GRK3: variants seen among roughly 807,000 people sequenced by gnomAD.
GRK3 encodes adrenergic, beta, receptor kinase 2.
GRK3 carries 54 observed loss-of-function variants against 95.7 expected under a neutral mutation model. That is an observed-to-expected ratio of 0.56 (90% CI 0.45 to 0.71). The LOEUF is 0.71. Among genes scored for constraint, GRK3 ranks in the 30% least tolerant of loss-of-function variants. The pLI is 0.00. For synonymous variants in GRK3, 281 were observed against 290.8 expected (o/e 0.97, Z 0.34); for missense variants, 649 against 851.2 (o/e 0.76, Z 2.96).
intron 3 of GRK3, chr22:25,648,905 T>C: frequency 1.1e-6 from 1 of 897,994 alleles, no homozygotes; most frequent in Non-Finnish European, 1.9e-6. Flanking sequence ...GTGCAGAATT[T>C]CCAATCAAAT....
intron 2 of GRK3, among the ~76,000 whole-genome samples, chr22:25,637,003 C>T (rs910201315): frequency 6.6e-6 from 1 of 152,146 alleles, no homozygotes; most frequent in Non-Finnish European, 1.5e-5. Flanking sequence ...AAAAGATCCA[C>T]CATCAGGGAT....
intron 3 of GRK3, chr22:25,648,161 G>T: frequency 1.5e-6 from 1 of 673,430 alleles, no homozygotes; most frequent in South Asian, 1.6e-5. Context: ...AAAAACGAGA[G>T]AGCGAAACTA....
At chr22:25,672,428 G>C (rs2146414167) in intron 7 of GRK3, 81 bp downstream of exon 7, 1 of 767,714 alleles carries the variant, frequency 1.3e-6, no homozygotes, top group East Asian at 2.7e-5. Flanking sequence ...ACTTGATTCT[G>C]GAACGTACTC....
At chr22:25,701,728 T>A (rs1460463684) in intron 13 of GRK3, among the ~76,000 whole-genome samples, 1 of 151,906 alleles carries the variant, frequency 6.6e-6, no homozygotes, top group Non-Finnish European at 1.5e-5. Flanking sequence ...TCCGAGGGAT[T>A]TGTCAAAACA....
At chr22:25,709,062 G>T (rs2085322971) in intron 15 of GRK3, among the ~76,000 whole-genome samples, 1 of 150,426 alleles carries the variant, frequency 6.6e-6, no homozygotes, top group Non-Finnish European at 1.5e-5. Flanking sequence ...TTTTGAGATG[G>T]AGTCTCGCTC....
chr22:25,652,495 A>G (rs1334655545), intron 3 of GRK3, among the ~76,000 whole-genome samples: 1 of 152,218 alleles, frequency 6.6e-6, no homozygotes, highest in Non-Finnish European at 1.5e-5. Flanking sequence ...AGCTTAAAAT[A>G]ATCTAGAACT....
chr22:25,721,164 C>A, intron 19 of GRK3, 120 bp from the exon 20 acceptor site: 1 of 531,136 alleles, frequency 1.9e-6, no homozygotes, highest in Non-Finnish European at 3.3e-6. Flanking sequence ...AGAATACCAT[C>A]AAAGAAAGAA....
chr22:25,622,256 G>A (rs1362536531), intron 2 of GRK3, among the ~76,000 whole-genome samples: 1 of 152,174 alleles, frequency 6.6e-6, no homozygotes, highest in Admixed American at 6.5e-5. Context: ...GCAGCTTGTC[G>A]GTGTGCAGCA....
chr22:25,689,835 G>T (rs2085151091), intron 11 of GRK3, among the ~76,000 whole-genome samples: 1 of 152,152 alleles, frequency 6.6e-6, no homozygotes, highest in South Asian at 2.1e-4. Context: ...CTCACCTCCT[G>T]CCCTTGAGAG....
chr22:25,690,270 C>G lies in GRK3; in HGVS notation c.1039C>G (p.Pro347Ala). 1 of 1,613,222 alleles carries G rather than the reference C, an allele frequency of 6.2e-7. No homozygotes were observed. The highest frequency in any genetic ancestry group is 8.5e-7 in the Non-Finnish European group (1 of 1,179,182). Residue 347 changes from proline (P) to alanine (A), a missense_variant, in exon 12 of 21, where the codon CCT becomes GCT. By Grantham distance (27) the Pro-to-Ala change is conservative (BLOSUM62 -1). Around this residue, in one of 3 missense-constraint regions of GRK3, gnomAD observed 382 missense variants for 493.8 expected, o/e 0.77. Transcript: ENST00000324198. ...TGCCTGCGATTTTTCCAAAAAGAAG[C>G]CTCATGCGAGTGTGTAAGTAGTGCG... The part of the protein sequence containing the change: ...GLACDFSKKK[P>A]HASVGTHGYM...
chr22:25,619,813 G>A lies in GRK3; in HGVS notation c.190+15360G>A, dbSNP rs76668017. On this transcript the variant is annotated intron_variant, in intron 2 of 20. Coordinates refer to ENST00000324198, the MANE Select transcript of GRK3 (RefSeq NM_005160.4). ...ACTAAGTATTTGAAATGTCTTAAGG[G>A]GCAGCAGCAGGTTAGGTGGTGCTGG... is the stretch of plus-strand genomic sequence containing the variant. 6.4e-3 allele frequency among the ~76,000 whole-genome samples: 965 copies of A among 151,956 alleles called. 17 individuals carry two copies. The highest frequency in any genetic ancestry group is 0.022 in the African/African-American group (920 of 41,420).
intron 17 of GRK3, among the ~76,000 whole-genome samples, chr22:25,712,970 A>G (rs2085355752): frequency 6.6e-6 from 1 of 152,256 alleles, no homozygotes; most frequent in Admixed American, 6.5e-5. Flanking sequence ...AAAACAGCCT[A>G]AATAATACAT....
chr22:25,594,542 G>T (rs1052660237), intron 1 of GRK3, among the ~76,000 whole-genome samples: 14 of 152,234 alleles, frequency 9.2e-5, no homozygotes, highest in South Asian at 4.2e-4. Flanking sequence ...GGCAAGGTTG[G>T]TTCAACATAT....
intron 13 of GRK3, among the ~76,000 whole-genome samples, chr22:25,696,020 A>G (rs2085205765): frequency 6.6e-6 from 1 of 151,986 alleles, no homozygotes; most frequent in Non-Finnish European, 1.5e-5. Flanking sequence ...TTTTTTCAGT[A>G]GAGACGGGGT....
intron 3 of GRK3, among the ~76,000 whole-genome samples, chr22:25,654,169 C>T (rs1199916741): frequency 6.6e-6 from 1 of 152,042 alleles, no homozygotes; most frequent in Non-Finnish European, 1.5e-5. Context: ...GAATATACTT[C>T]TAAACAATTT....
chr22:25,667,601 G>A (rs1013778193), intron 5 of GRK3, 138 bp from the exon 6 acceptor site: 13 of 607,408 alleles, frequency 2.1e-5, no homozygotes, highest in Non-Finnish European at 3.6e-5. Flanking sequence ...AGACAAGCAC[G>A]GAGAAGGGCA....
chr22:25,708,723 A>G (rs1349934556), intron 15 of GRK3, among the ~76,000 whole-genome samples: 3 of 150,410 alleles, frequency 2.0e-5, no homozygotes, highest in Non-Finnish European at 4.4e-5. Context: ...GTGCAATGGC[A>G]CAATCTCGGC....
chr22:25,595,416 C>T (rs145842438), intron 1 of GRK3, among the ~76,000 whole-genome samples: 1 of 152,066 alleles, frequency 6.6e-6, no homozygotes, highest in African/African-American at 2.4e-5. Context: ...AGCTGCACAC[C>T]CACAAAATAC....
rs1028098876 is a variant in GRK3, at chr22:25,727,449, T to G, written c.*4999T>G. The G allele has an allele frequency of 6.6e-6, 1 of 152,218 alleles. No individual in the cohort carries two copies. Among genetic ancestry groups the G allele is most frequent in the Non-Finnish European group, 1.5e-5 (1 of 68,028 alleles). The allele number at this position is 152,218 out of a possible 1,614,324, so 9.4% of individuals were successfully genotyped here. On this transcript the variant is annotated 3_prime_UTR_variant, in exon 21 of 21. Transcript: ENST00000324198. ...TCAGCCGAATCACAGAGATAACCACTCCTGCAGGCCCCCACAGCTGGCCCA... is the reference window on the plus strand; with the variant it reads ...TCAGCCGAATCACAGAGATAACCACGCCTGCAGGCCCCCACAGCTGGCCCA...
Sources: allele counts gnomAD v4.1 joint callset (sites outside exome capture counted in the v4.1 genomes callset), GRCh38; gene constraint gnomAD v4.1.1; regional missense constraint gnomAD v4.1.1; transcripts MANE v1.5; gene names NCBI Gene and HGNC (gene_info 2026-07-23, HGNC 2026-07-21).